CACNA1D: variants seen among roughly 807,000 people sequenced by gnomAD.
The protein encoded by CACNA1D is calcium voltage-gated channel subunit alpha1 D.
In CACNA1D, 55 loss-of-function variants were observed where a neutral mutation model predicts 257.1. The ratio of observed to expected loss-of-function variants is 0.21; its 90% CI spans 0.17 to 0.27. The LOEUF is 0.27. Among genes scored for constraint, CACNA1D ranks in the 10% least tolerant of loss-of-function variants. CACNA1D has a pLI of 1.00. For synonymous variants in CACNA1D, 980 were observed against 1,014.9 expected, an observed-to-expected ratio of 0.97 and a Z score of 0.65; for missense variants, 1,876 against 2,784.0, an observed-to-expected ratio of 0.67 and a Z score of 7.34.
chr3:53,517,099 A>C (rs1301032156), intron 3 of CACNA1D, among the ~76,000 whole-genome samples: 2 of 152,242 alleles, frequency 1.3e-5, no homozygotes, highest in African/African-American at 4.8e-5. Context: ...AAAGCGTTTT[A>C]TAATCTACGA....
At chr3:53,743,675 C>T (rs1397148607) in intron 22 of CACNA1D, among the ~76,000 whole-genome samples, 1 of 152,196 alleles carries the variant, frequency 6.6e-6, no homozygotes, top group Non-Finnish European at 1.5e-5. Context: ...GTGGGAACAG[C>T]CATTGCTGAG....
At chr3:53,517,373 G>A (rs1053110533) in intron 3 of CACNA1D, among the ~76,000 whole-genome samples, 1 of 152,156 alleles carries the variant, frequency 6.6e-6, no homozygotes, top group Non-Finnish European at 1.5e-5. Context: ...CAGAAGGAAG[G>A]TGGTAGAGAG....
Position 53,676,032 on chromosome 3 carries a change from G to A in CACNA1D, c.1220+2906G>A, listed in dbSNP as rs117349520. On this transcript the variant is annotated intron_variant, in intron 8 of 47. Transcript: ENST00000350061. Reference sequence around the variant, plus strand: ...TTTGGCCAGTATTTCCTGAGATCCTGTAGAGTGCCCGGCTCTGGTCCAGAG... The same window carrying A: ...TTTGGCCAGTATTTCCTGAGATCCTATAGAGTGCCCGGCTCTGGTCCAGAG... Among the ~76,000 whole-genome samples the A allele has an allele frequency of 4.1e-3, 630 of 152,304 alleles. 24 individuals are homozygous for A. The East Asian group carries it at 0.083, about 20-fold the overall frequency.
At chr3:53,597,974 C>A (rs1326896803) in intron 3 of CACNA1D, among the ~76,000 whole-genome samples, 1 of 152,192 alleles carries the variant, frequency 6.6e-6, no homozygotes, top group African/African-American at 2.4e-5. Flanking sequence ...TTTTATGTTG[C>A]ATGGCCTTTT....
At chr3:53,728,050 G>T (rs942544838) in intron 15 of CACNA1D, among the ~76,000 whole-genome samples, 2 of 152,066 alleles carry the variant, frequency 1.3e-5, no homozygotes, top group Non-Finnish European at 2.9e-5. Context: ...CCCAGAGAAG[G>T]TTCTTCTACC....
intron 46 of CACNA1D, 77 bp from the exon 47 acceptor site, chr3:53,809,901 C>A: frequency 7.2e-7 from 1 of 1,387,210 alleles, no homozygotes; most frequent in Non-Finnish European, 1.0e-6. Context: ...AGCGCCGGTG[C>A]TTGGTCTGTG....
At chr3:53,601,091 A>G (rs1254193338) in intron 3 of CACNA1D, among the ~76,000 whole-genome samples, 2 of 152,168 alleles carry the variant, frequency 1.3e-5, no homozygotes, top group East Asian at 1.9e-4. Flanking sequence ...TTTTAAGGTC[A>G]TGCCCTCTTG....
At chr3:53,593,217 G>A (rs559715046) in intron 3 of CACNA1D, among the ~76,000 whole-genome samples, 7 of 152,198 alleles carry the variant, frequency 4.6e-5, no homozygotes, top group African/African-American at 1.7e-4. Context: ...GGTAGATAAG[G>A]GCAAGAGATT....
chr3:53,681,348 TA>T (rs1373582916), intron 8 of CACNA1D, among the ~76,000 whole-genome samples: 18 of 152,190 alleles, frequency 1.2e-4, no homozygotes, highest in African/African-American at 4.1e-4. Flanking sequence ...TCTCTGGAAA[TA>T]GGGCAACTGT....
chr3:53,532,037 G>C (rs1299675422), intron 3 of CACNA1D, among the ~76,000 whole-genome samples: 2 of 152,136 alleles, frequency 1.3e-5, no homozygotes, highest in Non-Finnish European at 2.9e-5. Context: ...AAGGATTACT[G>C]ACTTAACAGG....
chr3:53,585,970 C>A (rs528635269), intron 3 of CACNA1D, among the ~76,000 whole-genome samples: 1 of 152,278 alleles, frequency 6.6e-6, no homozygotes, highest in South Asian at 2.1e-4. Context: ...TCCCTGCCTC[C>A]GAGAACTTCG....
At chr3:53,606,644 GAGAAAGGGAT>G in intron 3 of CACNA1D, among the ~76,000 whole-genome samples, 1 of 152,322 alleles carries the variant, frequency 6.6e-6, no homozygotes, top group South Asian at 2.1e-4. Flanking sequence ...ACCAGTGCTT[GAGAAAGGGAT>G]AGTTACCCAC....
intron 3 of CACNA1D, among the ~76,000 whole-genome samples, chr3:53,643,618 C>T (rs2093987109): frequency 6.6e-6 from 1 of 152,164 alleles, no homozygotes; most frequent in African/African-American, 2.4e-5. Context: ...AGACTTTGCT[C>T]ACCAGGTCAT....
intron 1 of CACNA1D, 136 bp from the exon 2 acceptor site, chr3:53,497,016 C>A: frequency 2.7e-6 from 2 of 733,108 alleles, no homozygotes; most frequent in South Asian, 1.8e-5. Flanking sequence ...TGAAAAATAG[C>A]ACATGAGATT....
intron 30 of CACNA1D, chr3:53,765,584 G>A (rs1481729536): frequency 1.3e-5 from 2 of 152,606 alleles, no homozygotes; most frequent in South Asian, 2.1e-4. Flanking sequence ...ACGTGCTAAG[G>A]ATTGGTTGCA....
chr3:53,787,884 C>T (rs2095464151), intron 40 of CACNA1D, among the ~76,000 whole-genome samples: 1 of 152,172 alleles, frequency 6.6e-6, no homozygotes, highest in Admixed American at 6.5e-5. Context: ...CCAGAGTGCT[C>T]ATAATCCATC....
intron 7 of CACNA1D, among the ~76,000 whole-genome samples, 173 bp downstream of exon 7, chr3:53,666,708 C>G (rs1345933152): frequency 6.6e-6 from 1 of 152,160 alleles, no homozygotes; most frequent in East Asian, 1.9e-4. Context: ...CCTCGAGGGC[C>G]TTAGTTTCAG....
At chr3:53,711,525 C>T (rs116512942) in intron 9 of CACNA1D, among the ~76,000 whole-genome samples, 1,639 of 152,308 alleles carry the variant, frequency 0.011, 23 homozygotes, top group African/African-American at 0.037. Context: ...CCAGCACAGT[C>T]GACCCAGTTC....
chr3:53,756,795 G>GT (rs546060446), intron 29 of CACNA1D, among the ~76,000 whole-genome samples: 142 of 152,306 alleles, frequency 9.3e-4, no homozygotes, highest in East Asian at 4.6e-3. Context: ...CTTCTGTGGA[G>GT]TAAGAAGAGC....
Sources: gnomAD v4.1 joint callset for allele counts (sites outside exome capture counted in the v4.1 genomes callset) on GRCh38, gnomAD v4.1.1 for gene constraint, MANE v1.5 for transcripts, NCBI Gene and HGNC (gene_info 2026-07-23, HGNC 2026-07-21) for gene names.